CACNG2: variants seen among roughly 807,000 people sequenced by gnomAD.
CACNG2 encodes voltage-dependent calcium channel gamma-2 subunit.
Under a neutral mutation model 25.9 loss-of-function variants are expected in CACNG2, and 3 were observed. The ratio of observed to expected loss-of-function variants is 0.12; its 90% CI spans 0.05 to 0.30. The LOEUF is 0.30. Ranked by LOEUF, CACNG2 falls within the 10% of genes least tolerant of loss-of-function variation. The pLI is 1.00. For synonymous variants in CACNG2, 167 were observed against 173.3 expected, an observed-to-expected ratio of 0.96 and a Z score of 0.29; for missense variants, 341 against 432.5, an observed-to-expected ratio of 0.79 and a Z score of 1.88.
intron 2 of CACNG2, among the ~76,000 whole-genome samples, chr22:36,572,843 C>T (rs1029362938): frequency 6.6e-6 from 1 of 152,176 alleles, no homozygotes; most frequent in Non-Finnish European, 1.5e-5. Context: ...CAGGGAGATG[C>T]TTTGCTCTAG....
intron 1 of CACNG2, among the ~76,000 whole-genome samples, chr22:36,635,049 C>T (rs927402822): frequency 2.6e-5 from 4 of 151,994 alleles, no homozygotes; most frequent in African/African-American, 4.8e-5. Flanking sequence ...TTTGGGAGGC[C>T]GAGGTGGGTG....
intron 1 of CACNG2, among the ~76,000 whole-genome samples, chr22:36,634,986 A>G (rs1936331664): frequency 6.6e-6 from 1 of 152,208 alleles, no homozygotes; most frequent in Admixed American, 6.5e-5. Flanking sequence ...GGCCATGATG[A>G]AAAATGGTCA....
intron 2 of CACNG2, among the ~76,000 whole-genome samples, chr22:36,570,598 G>GA (rs982812283): frequency 1.8e-4 from 28 of 151,776 alleles, no homozygotes; most frequent in African/African-American, 6.8e-4. Flanking sequence ...CGTCTCTACT[G>GA]AAAAAAACAC....
intron 1 of CACNG2, among the ~76,000 whole-genome samples, chr22:36,678,192 C>T (rs776342596): frequency 7.2e-5 from 11 of 152,266 alleles, no homozygotes; most frequent in East Asian, 1.9e-4. Flanking sequence ...TCTTCCCAAA[C>T]GCCAATTTGT....
intron 1 of CACNG2, among the ~76,000 whole-genome samples, chr22:36,693,675 C>CT (rs1232639690): frequency 6.6e-6 from 1 of 152,158 alleles, no homozygotes; most frequent in Non-Finnish European, 1.5e-5. Context: ...TGCTTTCTAC[C>CT]TTCCATGGGA....
rs1203528092 is a variant in CACNG2 at position 36,561,930 on chromosome 22, C to G, written c.*2421G>C. 6.6e-6 allele frequency: 1 copy of G among 152,262 alleles called. No homozygotes were observed. The highest frequency in any genetic ancestry group is 1.5e-5 in the Non-Finnish European group (1 of 68,102). The allele number at this position is 152,262 out of a possible 1,614,324, so 9.4% of individuals were successfully genotyped here. A position where few individuals can be genotyped will look rare whatever the true frequency, so the allele number is the denominator to read the frequency against. On this transcript the variant is annotated 3_prime_UTR_variant, in exon 4 of 4. Coordinates refer to ENST00000300105, the MANE Select transcript of CACNG2 (RefSeq NM_006078.5). ...TCCTCTCCATTCCCTCAGCCTTGAGCCCTCCCAGTAAACCTCAGAGGATCC... is the reference window on the plus strand; with the variant it reads ...TCCTCTCCATTCCCTCAGCCTTGAGGCCTCCCAGTAAACCTCAGAGGATCC...
At chr22:36,588,456 C>G (rs1265443915) in intron 1 of CACNG2, among the ~76,000 whole-genome samples, 1 of 152,218 alleles carries the variant, frequency 6.6e-6, no homozygotes, top group East Asian at 1.9e-4. Context: ...AGCACAGACT[C>G]TACAATCACC....
intron 1 of CACNG2, among the ~76,000 whole-genome samples, chr22:36,621,235 C>G (rs892930201): frequency 6.6e-6 from 1 of 152,074 alleles, no homozygotes; most frequent in Non-Finnish European, 1.5e-5. Flanking sequence ...TGGCCGGGTG[C>G]GGGGGCTCAC....
At chr22:36,660,126 T>A (rs1601441559) in intron 1 of CACNG2, among the ~76,000 whole-genome samples, 1 of 152,222 alleles carries the variant, frequency 6.6e-6, no homozygotes, top group Non-Finnish European at 1.5e-5. Flanking sequence ...TTGTATGTGG[T>A]TCTGTGTTTA....
chr22:36,606,859 A>G lies in CACNG2; in HGVS notation c.212-19311T>C, dbSNP rs1295550211. On this transcript the variant is annotated intron_variant, in intron 1 of 3. Coordinates refer to ENST00000300105, the MANE Select transcript of CACNG2 (RefSeq NM_006078.5). This position sits in a 1 kb window ranked among gnomAD's most constrained non-coding sequence, Gnocchi z 5.7. Reference sequence around the variant, plus strand: ...TCTCTGTGTGTGTGTATGTATGTGTACGTGTGTATGTCTGTGTGTGAGTCT... The same window carrying G: ...TCTCTGTGTGTGTGTATGTATGTGTGCGTGTGTATGTCTGTGTGTGAGTCT... 2.7e-5 allele frequency among the ~76,000 whole-genome samples: 4 copies of G among 146,102 alleles called. No homozygotes were observed. The highest frequency in any genetic ancestry group is 1.0e-4 in the African/African-American group (4 of 38,962).
intron 2 of CACNG2, among the ~76,000 whole-genome samples, chr22:36,582,545 A>G (rs1461429247): frequency 2.0e-5 from 3 of 151,794 alleles, no homozygotes; most frequent in African/African-American, 7.3e-5. Context: ...AGCTGGGAAT[A>G]CAGGCATGCA....
At chr22:36,649,824 A>C (rs536455096) in intron 1 of CACNG2, among the ~76,000 whole-genome samples, 27 of 152,280 alleles carry the variant, frequency 1.8e-4, no homozygotes, top group African/African-American at 6.3e-4. Flanking sequence ...GCCATGTAAG[A>C]CATCCCTTTG....
chr22:36,593,198 C>T (rs1162186464), intron 1 of CACNG2, among the ~76,000 whole-genome samples: 1 of 152,176 alleles, frequency 6.6e-6, no homozygotes, highest in African/African-American at 2.4e-5. Flanking sequence ...AACAGTATTT[C>T]AATATTTAAC....
At chr22:36,660,413 A>G (rs1028833784) in intron 1 of CACNG2, among the ~76,000 whole-genome samples, 3 of 152,214 alleles carry the variant, frequency 2.0e-5, no homozygotes, top group African/African-American at 7.2e-5. Context: ...ACATTTCAGC[A>G]TTGTTTTCCT....
chr22:36,687,782 C>G (rs953110794), intron 1 of CACNG2, among the ~76,000 whole-genome samples: 6 of 151,980 alleles, frequency 3.9e-5, no homozygotes, highest in Admixed American at 3.3e-4. Context: ...AGGAGAATCA[C>G]GAGAAGGACT....
In CACNG2 at chr22:36,662,803, C is replaced by T. The variant is rs548091210; in HGVS notation, c.211+39563G>A. Among the ~76,000 whole-genome samples the T allele has an allele frequency of 3.3e-5, 5 of 152,230 alleles. No homozygotes were observed. In the South Asian group the frequency reaches 8.3e-4, roughly 25 times the overall value. On this transcript the variant is annotated intron_variant, in intron 1 of 3. Coordinates refer to ENST00000300105, the MANE Select transcript of CACNG2 (RefSeq NM_006078.5). ...TTCAGTTTGCCCTACAACTCATCAA[C>T]GTAGATGTTATTTTTTTCTGTGTCA... is the stretch of plus-strand genomic sequence containing the variant.
At chr22:36,581,152 C>T (rs1047226899) in intron 2 of CACNG2, among the ~76,000 whole-genome samples, 10 of 152,146 alleles carry the variant, frequency 6.6e-5, no homozygotes, top group Non-Finnish European at 1.3e-4. Context: ...GGGCCCACAG[C>T]GCTGGTTGGG....
intron 1 of CACNG2, among the ~76,000 whole-genome samples, chr22:36,616,279 TGA>T (rs944702787): frequency 1.2e-4 from 19 of 152,250 alleles, no homozygotes; most frequent in African/African-American, 4.3e-4. Context: ...TTATTATTGT[TGA>T]GTTATTTTAA....
At chr22:36,674,529 A>G (rs1482964992) in intron 1 of CACNG2, among the ~76,000 whole-genome samples, 1 of 152,082 alleles carries the variant, frequency 6.6e-6, no homozygotes, top group East Asian at 1.9e-4. Context: ...GAGTTTCACC[A>G]TGTTGGCCAG....
Sources: allele counts gnomAD v4.1 joint callset (sites outside exome capture counted in the v4.1 genomes callset), GRCh38; gene constraint gnomAD v4.1.1; non-coding constraint Gnocchi (gnomAD v3.1); transcripts MANE v1.5; gene names NCBI Gene and HGNC (gene_info 2026-07-23, HGNC 2026-07-21).